Variants in PTPRN2 observed in about 807,000 individuals in gnomAD.
PTPRN2 encodes receptor-type tyrosine-protein phosphatase N2.
A neutral mutation model predicts 118.8 loss-of-function variants in PTPRN2; 74 were observed. The ratio of observed to expected loss-of-function variants is 0.62; its 90% CI spans 0.52 to 0.76. The LOEUF is 0.76. Ranked by LOEUF, PTPRN2 falls within the 30% of genes least tolerant of loss-of-function variation. The pLI, the probability that PTPRN2 is intolerant of heterozygous loss-of-function variation, is 0.00. For missense variants in PTPRN2, 1,481 were observed against 1,394.4 expected, an observed-to-expected ratio of 1.06 and a Z score of -0.99; for synonymous variants, 641 against 608.0, an observed-to-expected ratio of 1.05 and a Z score of -0.80.
chr7:157,620,278 G>A (rs540169648), intron 15 of PTPRN2, among the ~76,000 whole-genome samples: 98 of 152,292 alleles, frequency 6.4e-4, no homozygotes, highest in African/African-American at 2.2e-3. Flanking sequence ...GGACGCCAGC[G>A]CCGGGCAGTC....
At chr7:158,155,579 ATC>A in intron 6 of PTPRN2, among the ~76,000 whole-genome samples, 2 of 148,476 alleles carry the variant, frequency 1.3e-5, no homozygotes, top group Non-Finnish European at 1.5e-5. Context: ...CATCATCACC[ATC>A]ACCATCATCA....
chr7:157,691,076 C>CG (rs980088008), intron 12 of PTPRN2, among the ~76,000 whole-genome samples: 2 of 120,434 alleles, frequency 1.7e-5, no homozygotes, highest in Admixed American at 7.6e-5. Flanking sequence ...GTCCCCCCCC[C>CG]CCCCCACATG....
chr7:158,473,800 T>TAA (rs5888756), intron 2 of PTPRN2, among the ~76,000 whole-genome samples: 10 of 151,748 alleles, frequency 6.6e-5, no homozygotes, highest in Admixed American at 3.9e-4. Flanking sequence ...CATTAATTTT[T>TAA]AAAAAAAGGT....
intron 12 of PTPRN2, among the ~76,000 whole-genome samples, chr7:157,838,661 G>A (rs1467103869): frequency 4.2e-3 from 156 of 37,450 alleles, no homozygotes; most frequent in Non-Finnish European, 4.9e-3. Flanking sequence ...GCTCCTCTCC[G>A]CCGTGGCTAC....
intron 2 of PTPRN2, among the ~76,000 whole-genome samples, chr7:158,445,026 G>A (rs1366918152): frequency 7.9e-5 from 12 of 152,190 alleles, no homozygotes; most frequent in Non-Finnish European, 1.3e-4. Context: ...ACCTGCCACC[G>A]TGACTTCTCC....
At chr7:157,897,051 G>A (rs1797170813) in intron 12 of PTPRN2, among the ~76,000 whole-genome samples, 1 of 152,116 alleles carries the variant, frequency 6.6e-6, no homozygotes, top group South Asian at 2.1e-4. Context: ...ACAGCAGAGG[G>A]TCCCAGCCTC....
At chr7:157,983,869 C>T (rs565938230) in intron 11 of PTPRN2, among the ~76,000 whole-genome samples, 26 of 152,286 alleles carry the variant, frequency 1.7e-4, no homozygotes, top group Middle Eastern at 3.4e-3. Context: ...GAGCCAACAG[C>T]GCTAGTGTCC....
intron 1 of PTPRN2, among the ~76,000 whole-genome samples, chr7:158,569,440 G>C (rs1414838807): frequency 6.6e-6 from 1 of 152,258 alleles, no homozygotes; most frequent in Non-Finnish European, 1.5e-5. Flanking sequence ...GAGACTCCCT[G>C]ACACCCTCCC....
At chr7:157,562,544 G>A (rs1372276546) in intron 21 of PTPRN2, among the ~76,000 whole-genome samples, 3 of 152,230 alleles carry the variant, frequency 2.0e-5, no homozygotes, top group Non-Finnish European at 4.4e-5. Context: ...CTACTGTATG[G>A]AACAAGGCGG....
chr7:158,193,897 C>T (rs1825984412), intron 4 of PTPRN2, among the ~76,000 whole-genome samples: 1 of 123,604 alleles, frequency 8.1e-6, no homozygotes. Context: ...TCCAGCAAGG[C>T]TCTGTCTCAA....
At chr7:157,728,191 A>C (rs978956131) in intron 12 of PTPRN2, among the ~76,000 whole-genome samples, 2 of 152,210 alleles carry the variant, frequency 1.3e-5, no homozygotes, top group Non-Finnish European at 2.9e-5. Flanking sequence ...AGGAGAACAC[A>C]GATGGGGCCG....
At chr7:158,064,483 G>A (rs529722704) in intron 11 of PTPRN2, among the ~76,000 whole-genome samples, 5 of 152,132 alleles carry the variant, frequency 3.3e-5, no homozygotes, top group Non-Finnish European at 7.4e-5. Flanking sequence ...GGAGCCCAGC[G>A]CTGTGAGGTT....
intron 6 of PTPRN2, among the ~76,000 whole-genome samples, chr7:158,149,194 C>G (rs887498913): frequency 7.2e-5 from 11 of 151,992 alleles, no homozygotes; most frequent in South Asian, 2.1e-4. Context: ...CTTTCCTCCT[C>G]AAGTGCACGA....
At chr7:157,753,238 A>T (rs1398889252) in intron 12 of PTPRN2, among the ~76,000 whole-genome samples, 2 of 151,884 alleles carry the variant, frequency 1.3e-5, no homozygotes, top group African/African-American at 4.8e-5. Flanking sequence ...TGTGCCAGGC[A>T]TGTCTGCTGT....
intron 2 of PTPRN2, among the ~76,000 whole-genome samples, chr7:158,410,399 G>A (rs1813950364): frequency 1.3e-5 from 2 of 152,148 alleles, no homozygotes; most frequent in South Asian, 4.2e-4. Context: ...ACTACAGACA[G>A]GAGAATTAAT....
chr7:157,873,563 G>A (rs1811257182), intron 12 of PTPRN2, among the ~76,000 whole-genome samples: 1 of 137,328 alleles, frequency 7.3e-6, no homozygotes, highest in Non-Finnish European at 1.5e-5. Flanking sequence ...GGGCCGGGAG[G>A]AGAACGTACT....
intron 11 of PTPRN2, among the ~76,000 whole-genome samples, chr7:158,040,775 C>T (rs1484794265): frequency 1.1e-4 from 14 of 130,428 alleles, no homozygotes; most frequent in African/African-American, 2.4e-4. Flanking sequence ...CTCTATTGCT[C>T]GGGCTGAAGT....
chr7:158,110,705 C>T, intron 10 of PTPRN2, 124 bp downstream of exon 10: 2 of 894,620 alleles, frequency 2.2e-6, no homozygotes, highest in Non-Finnish European at 3.5e-6. Context: ...TCACCTTTCA[C>T]TTCTCTAAAC....
Position 157,615,541 on chromosome 7 carries a change from C to T in PTPRN2, c.2344+5821G>A, listed in dbSNP as rs866983016. ...GGGTGACCCCATCGCAAGGCCGGGC[C>T]GTGGAAACAATCTCAGCCCTGGAAC... On this transcript the variant is annotated intron_variant, in intron 15 of 22. Transcript: ENST00000389418. The surrounding 1 kb of genome is among the most constrained non-coding windows in gnomAD (Gnocchi z 4.3). 2.5e-5 allele frequency: 12 copies of T among 471,078 alleles called. No individual in the cohort carries two copies. The highest frequency in any genetic ancestry group is 1.2e-4 in the African/African-American group (6 of 50,092). 29.2% of individuals were successfully genotyped at this position (471,078 alleles called of 1,614,324 possible).
Sources: gnomAD v4.1 joint callset for allele counts (sites outside exome capture counted in the v4.1 genomes callset) on GRCh38, gnomAD v4.1.1 for gene constraint, Gnocchi (gnomAD v3.1) non-coding constraint, MANE v1.5 for transcripts, NCBI Gene and HGNC (gene_info 2026-07-23, HGNC 2026-07-21) for gene names.